ESRRG: variants seen among roughly 807,000 people sequenced by gnomAD.
ESRRG encodes estrogen related receptor gamma.
In ESRRG, 13 loss-of-function variants were observed where a neutral mutation model predicts 44.0. That is an observed-to-expected ratio of 0.30 (90% CI 0.19 to 0.47). The LOEUF (loss-of-function observed/expected upper bound fraction) is 0.47, where lower values mean the gene tolerates loss of function less well. Ranked by LOEUF, ESRRG falls within the 20% of genes least tolerant of loss-of-function variation. The probability of loss-of-function intolerance (pLI) is 1.00; values close to 1 mark genes in which losing one functional copy is unlikely to be tolerated. For missense variants in ESRRG, 395 were observed against 580.6 expected (o/e 0.68, Z 3.29); for synonymous variants, 215 against 214.6 (o/e 1.00, Z -0.02).
At chr1:216,961,246 C>A (rs1224656858) in intron 1 of ESRRG, among the ~76,000 whole-genome samples, 2 of 152,150 alleles carry the variant, frequency 1.3e-5, no homozygotes, top group Non-Finnish European at 2.9e-5. Context: ...CCACACAAAA[C>A]AAATTCCAGC....
intron 2 of ESRRG, among the ~76,000 whole-genome samples, chr1:216,936,270 C>A (rs1031312568): frequency 1.4e-4 from 21 of 152,032 alleles, no homozygotes; most frequent in African/African-American, 5.1e-4. Flanking sequence ...GTCCAAGAAA[C>A]AACAATATGG....
At chr1:216,873,830 C>T (rs1436922261) in intron 2 of ESRRG, among the ~76,000 whole-genome samples, 3 of 140,860 alleles carry the variant, frequency 2.1e-5, no homozygotes, top group Admixed American at 7.9e-5. Flanking sequence ...GCACTTGGAG[C>T]CTGGGTGCAA....
intron 1 of ESRRG, among the ~76,000 whole-genome samples, chr1:216,692,405 C>A (rs1283382170): frequency 4.7e-5 from 7 of 150,480 alleles, no homozygotes; most frequent in African/African-American, 9.8e-5. Context: ...ATAGAAAAAA[C>A]CTTATAGAGT....
At chr1:216,876,106 C>T (rs2096348126) in intron 2 of ESRRG, among the ~76,000 whole-genome samples, 1 of 152,032 alleles carries the variant, frequency 6.6e-6, no homozygotes, top group African/African-American at 2.4e-5. Context: ...ATAAGAAAAG[C>T]CTTAAAATAT....
At position 216,686,944 on chromosome 1, in the gene ESRRG, G is replaced by T. The variant is rs370999920; in HGVS notation, c.57-9453C>A. ...CCTTGAGAGCAAGGACTATTGCACCGAGGAGCACTCTTCAAACTCCCAAAC... is the reference window on the plus strand; with the variant it reads ...CCTTGAGAGCAAGGACTATTGCACCTAGGAGCACTCTTCAAACTCCCAAAC... On this transcript the variant is annotated intron_variant, in intron 1 of 6. Transcript: ENST00000408911. 1.3e-3 allele frequency among the ~76,000 whole-genome samples: 205 copies of T among 152,182 alleles called. 6 individuals carry two copies. The South Asian group carries it at 0.04, about 30-fold the overall frequency.
At chr1:216,728,225 C>G (rs1435019445), upstream of ESRRG, among the ~76,000 whole-genome samples, 2 of 152,160 alleles carry the variant, frequency 1.3e-5, no homozygotes, top group African/African-American at 4.8e-5. Context: ...CAGTTATATT[C>G]TTTCCTGAAT....
At chr1:216,999,241 T>A (rs1468505983) in intron 1 of ESRRG, among the ~76,000 whole-genome samples, 1 of 152,148 alleles carries the variant, frequency 6.6e-6, no homozygotes, top group Non-Finnish European at 1.5e-5. Flanking sequence ...CTTATCATTA[T>A]TTTTACAAAG....
chr1:216,610,921 T>A (rs370477808), intron 3 of ESRRG, among the ~76,000 whole-genome samples: 36 of 152,220 alleles, frequency 2.4e-4, no homozygotes, highest in African/African-American at 8.7e-4. Flanking sequence ...TTGTACTGCC[T>A]CTGAGAGGAG....
At chr1:216,737,530 G>T (rs972707581) in intron 2 of ESRRG, among the ~76,000 whole-genome samples, 2 of 152,122 alleles carry the variant, frequency 1.3e-5, no homozygotes, top group Admixed American at 1.3e-4. Context: ...AAGGCTCCCA[G>T]GTGAATTCAA....
At chr1:217,041,483 T>G (rs2083860045) in intron 1 of ESRRG, among the ~76,000 whole-genome samples, 1 of 152,144 alleles carries the variant, frequency 6.6e-6, no homozygotes, top group African/African-American at 2.4e-5. Flanking sequence ...AAAAAATAGG[T>G]TCAGTAGAGA....
rs558014315 is a variant in ESRRG at position 216,651,524 on chromosome 1, CA to C, written c.473-436del. On this transcript the variant is annotated intron_variant, in intron 2 of 6. Coordinates refer to ENST00000408911, the MANE Select transcript of ESRRG (RefSeq NM_001438.4). ...GGCTTATTGTCTTTCTGACACTGAACAGTATAAACTTCACTGTGGAAAATGA... is the reference window on the plus strand; with the variant it reads ...GGCTTATTGTCTTTCTGACACTGAACGTATAAACTTCACTGTGGAAAATGA... Among the ~76,000 whole-genome samples, 270 of 152,250 alleles carry C rather than the reference CA, an allele frequency of 1.8e-3. 2 individuals carry two copies. Among genetic ancestry groups the C allele is most frequent in the African/African-American group, 6.3e-3 (263 of 41,538 alleles).
At chr1:216,713,476 A>G (rs2084097209) in intron 1 of ESRRG, among the ~76,000 whole-genome samples, 1 of 152,176 alleles carries the variant, frequency 6.6e-6, no homozygotes. Flanking sequence ...CTGATCAGCT[A>G]AGTTTCAAAT....
At chr1:216,853,226 T>C (rs1269502168) in intron 2 of ESRRG, among the ~76,000 whole-genome samples, 1 of 152,178 alleles carries the variant, frequency 6.6e-6, no homozygotes, top group African/African-American at 2.4e-5. Flanking sequence ...GGCTGACTGG[T>C]AGCAAAGAAA....
At chr1:216,726,680 A>G (rs2087589020), upstream of ESRRG, among the ~76,000 whole-genome samples, 1 of 152,210 alleles carries the variant, frequency 6.6e-6, no homozygotes, top group African/African-American at 2.4e-5. Context: ...TGCTTCACAA[A>G]GAATATTAAT....
intron 1 of ESRRG, among the ~76,000 whole-genome samples, chr1:217,040,404 G>T (rs982434495): frequency 1.3e-5 from 2 of 152,150 alleles, no homozygotes; most frequent in Non-Finnish European, 2.9e-5. Flanking sequence ...TCCACAGAGA[G>T]AAAAATATCC....
intron 1 of ESRRG, among the ~76,000 whole-genome samples, chr1:217,101,803 T>C (rs201457904): frequency 7.0e-6 from 1 of 142,388 alleles, no homozygotes; most frequent in Non-Finnish European, 1.6e-5. Context: ...TTTTTTTTTT[T>C]ATTTTATTTG....
chr1:216,824,603 G>A (rs2095359944), intron 2 of ESRRG, among the ~76,000 whole-genome samples: 1 of 151,838 alleles, frequency 6.6e-6, no homozygotes, highest in African/African-American at 2.4e-5. Context: ...AGTTATAATT[G>A]GGTTTTAATG....
At chr1:216,658,197 A>G (rs1352742508) in intron 2 of ESRRG, among the ~76,000 whole-genome samples, 1 of 152,114 alleles carries the variant, frequency 6.6e-6, no homozygotes, top group Non-Finnish European at 1.5e-5. Context: ...AATTTCTAAC[A>G]ATAAGATTCT....
At chr1:217,068,561 T>C (rs2090111322) in intron 1 of ESRRG, among the ~76,000 whole-genome samples, 1 of 152,154 alleles carries the variant, frequency 6.6e-6, no homozygotes. Flanking sequence ...ACAAGCCACA[T>C]AATCTTGCTA....
Sources: allele counts gnomAD v4.1 joint callset (sites outside exome capture counted in the v4.1 genomes callset), GRCh38; gene constraint gnomAD v4.1.1; transcripts MANE v1.5; gene names NCBI Gene and HGNC (gene_info 2026-07-23, HGNC 2026-07-21).